Variants in CPNE4 observed in about 807,000 individuals in gnomAD.
CPNE4 encodes copine 4, also known as copine-4.
A neutral mutation model predicts 67.9 loss-of-function variants in CPNE4; 25 were observed. The ratio of observed to expected loss-of-function variants is 0.37; its 90% CI spans 0.27 to 0.51. The LOEUF (loss-of-function observed/expected upper bound fraction) is 0.51, where lower values mean the gene tolerates loss of function less well. CPNE4 is among the 20% of genes least tolerant of loss of function. The pLI is 0.93. For synonymous variants in CPNE4, 242 were observed against 244.9 expected (o/e 0.99, Z 0.11); for missense variants, 464 against 690.8 (o/e 0.67, Z 3.68).
rs370016369 is a variant in CPNE4, at chr3:131,911,935, T to C, written c.-1-6491A>G. On this transcript the variant is annotated intron_variant, in intron 1 of 15. Coordinates refer to ENST00000429747, the MANE Select transcript of CPNE4 (RefSeq NM_130808.3). Reference sequence around the variant, plus strand: ...GCTGAAGCTCACTGCTGAAAGGTGATCACAAAATATGGCTCTGTCAACGAG... The same window carrying C: ...GCTGAAGCTCACTGCTGAAAGGTGACCACAAAATATGGCTCTGTCAACGAG... Among the ~76,000 whole-genome samples the C allele has an allele frequency of 1.1e-3, 167 of 152,208 alleles. No individual in the cohort carries two copies. The Middle Eastern group carries it at 0.027, about 25-fold the overall frequency.
chr3:131,633,340 T>A (rs1227185295), intron 7 of CPNE4, among the ~76,000 whole-genome samples: 1 of 152,064 alleles, frequency 6.6e-6, no homozygotes, highest in African/African-American at 2.4e-5. Context: ...CCCTACCACA[T>A]TATAGGTACC....
At chr3:131,656,061 T>A (rs2079953028) in intron 7 of CPNE4, among the ~76,000 whole-genome samples, 1 of 151,860 alleles carries the variant, frequency 6.6e-6, no homozygotes, top group Admixed American at 6.6e-5. Context: ...TTCTTTTTTT[T>A]TTTTTTTTTG....
intron 5 of CPNE4, among the ~76,000 whole-genome samples, chr3:131,695,923 G>A (rs1283082729): frequency 2.0e-5 from 3 of 152,114 alleles, no homozygotes; most frequent in Non-Finnish European, 2.9e-5. Context: ...TTGTTTTTTA[G>A]ATGTATGTTT....
chr3:131,713,358 C>G (rs931475623), intron 3 of CPNE4, among the ~76,000 whole-genome samples: 2 of 152,086 alleles, frequency 1.3e-5, no homozygotes, highest in Non-Finnish European at 2.9e-5. Context: ...ATGATACCAT[C>G]TATGACTGAA....
chr3:132,006,201 T>C (rs2073601993), intron 1 of CPNE4, among the ~76,000 whole-genome samples: 1 of 152,066 alleles, frequency 6.6e-6, no homozygotes, highest in Non-Finnish European at 1.5e-5. Flanking sequence ...TGTCAAAATA[T>C]ATGATATCAT....
At chr3:131,975,656 C>G (rs1560714370) in intron 1 of CPNE4, among the ~76,000 whole-genome samples, 1 of 152,126 alleles carries the variant, frequency 6.6e-6, no homozygotes, top group Non-Finnish European at 1.5e-5. Context: ...AAAGGTGACC[C>G]TGAAAAGAAT....
chr3:131,842,980 A>G (rs1037469363), intron 2 of CPNE4, among the ~76,000 whole-genome samples: 1 of 152,166 alleles, frequency 6.6e-6, no homozygotes, highest in Admixed American at 6.5e-5. Context: ...CCGGTGCTCT[A>G]AAGGCTTACT....
At chr3:131,695,078 T>C (rs768159829) in intron 5 of CPNE4, among the ~76,000 whole-genome samples, 1 of 152,218 alleles carries the variant, frequency 6.6e-6, no homozygotes, top group Non-Finnish European at 1.5e-5. Context: ...CTTTATGTTA[T>C]CATTTTGCTC....
chr3:131,768,753 CCCT>C (rs1407470830), intron 2 of CPNE4, among the ~76,000 whole-genome samples: 2 of 152,106 alleles, frequency 1.3e-5, no homozygotes, highest in Non-Finnish European at 2.9e-5. Flanking sequence ...TGCCACACTT[CCCT>C]GCCATGCAAC....
chr3:131,820,072 G>A (rs1382026554), intron 2 of CPNE4, among the ~76,000 whole-genome samples: 1 of 152,114 alleles, frequency 6.6e-6, no homozygotes, highest in African/African-American at 2.4e-5. Context: ...TTGTTACAAT[G>A]GGAAAAATAT....
At chr3:131,758,171 C>T (rs1051930721) in intron 2 of CPNE4, among the ~76,000 whole-genome samples, 2 of 152,178 alleles carry the variant, frequency 1.3e-5, no homozygotes, top group Non-Finnish European at 2.9e-5. Flanking sequence ...GATCTACCAA[C>T]AGCTTGCACC....
At chr3:131,841,484 C>A (rs548352879) in intron 2 of CPNE4, among the ~76,000 whole-genome samples, 22 of 152,264 alleles carry the variant, frequency 1.4e-4, no homozygotes, top group Non-Finnish European at 2.2e-4. Context: ...CCTGTCAAAT[C>A]AGTGGCGGCA....
chr3:131,804,096 C>A (rs1230166760), intron 2 of CPNE4, among the ~76,000 whole-genome samples: 1 of 152,154 alleles, frequency 6.6e-6, no homozygotes, highest in South Asian at 2.1e-4. Flanking sequence ...TCCATCCCAT[C>A]AGAGTTAAAG....
chr3:131,598,376 G>A lies in CPNE4; in HGVS notation c.682-10794C>T, dbSNP rs75440161. Among the ~76,000 whole-genome samples, 944 of 152,258 alleles carry A rather than the reference G, an allele frequency of 6.2e-3. 15 individuals are homozygous for A. The East Asian group carries it at 0.073, about 12-fold the overall frequency. ...TTTTTCAATCTTTGTTCCAAAGCCT[G>A]GGATAATTATATTAAAGCAATAAAA... is the stretch of plus-strand genomic sequence containing the variant. On this transcript the variant is annotated intron_variant, in intron 7 of 15. Transcript: ENST00000429747.
At chr3:131,836,185 C>A (rs2085551882) in intron 2 of CPNE4, among the ~76,000 whole-genome samples, 2 of 152,074 alleles carry the variant, frequency 1.3e-5, no homozygotes, top group Admixed American at 1.3e-4. Context: ...GAGAGTTGAA[C>A]CATGCCCTTA....
At chr3:131,697,899 T>C (rs546582697) in intron 4 of CPNE4, among the ~76,000 whole-genome samples, 32 of 152,240 alleles carry the variant, frequency 2.1e-4, no homozygotes, top group African/African-American at 7.7e-4. Flanking sequence ...AGCCAATGTT[T>C]TGATCTAAAG....
intron 3 of CPNE4, among the ~76,000 whole-genome samples, chr3:131,708,985 T>TAC (rs1439269089): frequency 9.7e-6 from 1 of 103,054 alleles, no homozygotes; most frequent in Non-Finnish European, 2.1e-5. Context: ...TATATATATA[T>TAC]ATATATATAT....
intron 2 of CPNE4, among the ~76,000 whole-genome samples, chr3:131,828,465 G>A (rs899786344): frequency 2.6e-5 from 4 of 152,066 alleles, no homozygotes; most frequent in African/African-American, 9.7e-5. Context: ...ATAAGCATTG[G>A]ATTTTTTCTT....
chr3:131,649,190 C>A (rs1409980029), intron 7 of CPNE4, among the ~76,000 whole-genome samples: 3 of 152,220 alleles, frequency 2.0e-5, no homozygotes, highest in African/African-American at 7.2e-5. Flanking sequence ...CTCAGAATGA[C>A]AAGCTCCATT....
Sources: allele counts gnomAD v4.1 joint callset (sites outside exome capture counted in the v4.1 genomes callset), GRCh38; gene constraint gnomAD v4.1.1; transcripts MANE v1.5; gene names NCBI Gene and HGNC (gene_info 2026-07-23, HGNC 2026-07-21).